Variants in EXT1 observed in about 807,000 individuals in gnomAD.
EXT1 encodes the protein exostosin-1.
A neutral mutation model predicts 82.5 loss-of-function variants in EXT1; 20 were observed. The ratio of observed to expected loss-of-function variants is 0.24; its 90% CI spans 0.17 to 0.35. The LOEUF (loss-of-function observed/expected upper bound fraction) is 0.35. Among genes scored for constraint, EXT1 ranks in the 10% least tolerant of loss-of-function variants. EXT1 has a pLI of 1.00. For synonymous variants in EXT1, 348 were observed against 350.8 expected, an observed-to-expected ratio of 0.99 and a Z score of 0.09; for missense variants, 757 against 936.5, an observed-to-expected ratio of 0.81 and a Z score of 2.50.
intron 1 of EXT1, among the ~76,000 whole-genome samples, chr8:117,968,545 ATTTATTTATTTTTTTTTTTTTTTTTTTT>A (rs1391267013): frequency 0.015 from 1,110 of 73,024 alleles, 214 homozygotes; most frequent in Admixed American, 0.073. Flanking sequence ...TTATTTATTT[ATTTATTTATTTTTTTTTTTTTTTTTTTT>A]TTTTTTTTTT....
Position 118,111,331 on chromosome 8 carries a change from A to G in EXT1, c.-285T>C, listed in dbSNP as rs1817899734. 8 of 596,654 alleles carry G rather than the reference A, an allele frequency of 1.3e-5. No individual in the cohort carries two copies. The highest frequency in any genetic ancestry group is 9.0e-4 in the Middle Eastern group (2 of 2,232). The allele number at this position is 596,654 out of a possible 1,614,324, so 37.0% of individuals were successfully genotyped here. On this transcript the variant is annotated 5_prime_UTR_variant, in exon 1 of 11. Coordinates refer to ENST00000378204, the MANE Select transcript of EXT1 (RefSeq NM_000127.3). ...CAGGGCGGGCGAGCAGCGGACTGTA[A>G]TTTTCTTGCATGCAACAAGACGGAG... is the stretch of plus-strand genomic sequence containing the variant.
At chr8:118,079,655 G>A (rs1169809965) in intron 1 of EXT1, among the ~76,000 whole-genome samples, 2 of 141,836 alleles carry the variant, frequency 1.4e-5, no homozygotes, top group Non-Finnish European at 3.0e-5. Context: ...TTCTAACACC[G>A]CCCCCACCCC....
rs368981520 is a variant in EXT1 at position 117,882,543 on chromosome 8, A to C, written c.963-45342T>G. On this transcript the variant is annotated intron_variant, in intron 1 of 10. Transcript: ENST00000378204. Reference sequence around the variant, plus strand: ...CTAATTCCTAATTCATCTCAGTAAAATTCCCCAGGGTAGAACAAGGACACA... The same window carrying C: ...CTAATTCCTAATTCATCTCAGTAAACTTCCCCAGGGTAGAACAAGGACACA... Among the ~76,000 whole-genome samples, 25 of 152,226 alleles carry C rather than the reference A, an allele frequency of 1.6e-4. No individual in the cohort carries two copies. In the East Asian group the frequency reaches 4.3e-3, roughly 26 times the overall value.
rs773320520 is a variant in EXT1, at chr8:117,799,855, G to T, written c.2098C>A (p.Gln700Lys). 39 of 1,614,032 alleles carry T rather than the reference G, an allele frequency of 2.4e-5. No homozygotes were observed. Among genetic ancestry groups the T allele is most frequent in the Non-Finnish European group, 3.1e-5 (36 of 1,180,040 alleles). ...AACGTATTCATGCAGCTCTGTCGCT[G>T]GGCAAAGTGGTCAGGGTCAGCCCAA... The part of the protein sequence containing the change: ...SRWADPDHFA[Q>K]RQSCMNTFAS... The change falls in exon 11 of 11, where the codon CAG becomes AAG. Residue 700 changes from glutamine to lysine, a missense_variant. By Grantham distance (53) the Gln-to-Lys change is moderately conservative. Coordinates refer to ENST00000378204, the MANE Select transcript of EXT1 (RefSeq NM_000127.3).
At chr8:117,914,946 GC>G (rs1335640796) in intron 1 of EXT1, among the ~76,000 whole-genome samples, 1 of 152,036 alleles carries the variant, frequency 6.6e-6, no homozygotes, top group Admixed American at 6.6e-5. Flanking sequence ...TAGTAGTTCT[GC>G]TTTTTGCCCT....
At chr8:118,021,155 A>T (rs548077572) in intron 1 of EXT1, among the ~76,000 whole-genome samples, 35 of 152,340 alleles carry the variant, frequency 2.3e-4, no homozygotes, top group Middle Eastern at 3.4e-3. Flanking sequence ...AAAAATTTTT[A>T]AAAGAGGGAG....
At chr8:117,830,695 T>A (rs17439826) in intron 3 of EXT1, among the ~76,000 whole-genome samples, 24,286 of 152,146 alleles carry the variant, frequency 0.16, 2,373 homozygotes, top group East Asian at 0.38. Context: ...TATAGAGGGG[T>A]AACTATAGGT....
intron 10 of EXT1, among the ~76,000 whole-genome samples, chr8:117,801,922 T>A (rs555912972): frequency 1.4e-3 from 217 of 152,252 alleles, no homozygotes; most frequent in African/African-American, 3.9e-3. Flanking sequence ...ATTCAAAAAA[T>A]TTTTTTTAAA....
rs1817886615 is a variant in EXT1, at chr8:118,110,819, G to A, written c.228C>T (p.Ser76=). 1.2e-6 allele frequency: 2 copies of A among 1,612,828 alleles called. No individual in the cohort carries two copies. The change falls in exon 1 of 11, where the codon TCC becomes TCT. Residue 76 remains serine (S), a synonymous_variant. Coordinates refer to ENST00000378204, the MANE Select transcript of EXT1 (RefSeq NM_000127.3). ...VPWDQLENED[S]SVHISPRQKR... is the part of the protein sequence containing the mutation. ...TCTGCCGGGGGGAAATGTGCACGCT[G>A]GAATCCTCGTTTTCCAATTGATCCC...
chr8:117,800,824 C>T lies in EXT1; in HGVS notation c.2056-927G>A, dbSNP rs533162112. On this transcript the variant is annotated intron_variant, in intron 10 of 10. Transcript: ENST00000378204. ...GTTGGTTAAATATTTTTAGATCATG[C>T]AAATGATTGGCATTGATTTAAAAAG... 2.6e-5 allele frequency among the ~76,000 whole-genome samples: 4 copies of T among 152,306 alleles called. No homozygotes were observed. In the South Asian group the frequency reaches 8.3e-4, roughly 32 times the overall value.
intron 1 of EXT1, among the ~76,000 whole-genome samples, chr8:117,963,347 A>C (rs1180758858): frequency 4.6e-5 from 7 of 152,150 alleles, no homozygotes; most frequent in Non-Finnish European, 8.8e-5. Context: ...CTGTCCAGCC[A>C]GCCACCACTG....
chr8:117,872,423 G>T (rs956738109), intron 1 of EXT1, among the ~76,000 whole-genome samples: 3 of 151,814 alleles, frequency 2.0e-5, no homozygotes, highest in Non-Finnish European at 4.4e-5. Flanking sequence ...GTTCTTAATT[G>T]CTACATTGCA....
At chr8:117,958,186 G>T (rs1359934399) in intron 1 of EXT1, among the ~76,000 whole-genome samples, 1 of 152,002 alleles carries the variant, frequency 6.6e-6, no homozygotes, top group African/African-American at 2.4e-5. Context: ...CTAACATAAA[G>T]TAGGGAAGAA....
chr8:117,808,441 G>A (rs1230398343), intron 8 of EXT1, among the ~76,000 whole-genome samples: 1 of 152,218 alleles, frequency 6.6e-6, no homozygotes, highest in East Asian at 1.9e-4. Context: ...GCAGAGCCAA[G>A]ATTCAAACTC....
chr8:117,799,902 G>C lies in EXT1; in HGVS notation c.2056-5C>G, dbSNP rs1334661782. 2.5e-6 allele frequency: 4 copies of C among 1,613,814 alleles called. No individual in the cohort carries two copies. The highest frequency in any genetic ancestry group is 3.4e-6 in the Non-Finnish European group (4 of 1,180,022). ...CCAACGGGAAGCCCGAGAAGTCTAG[G>C]GAGAAGGAGAGAAACAAGGATAATG... On this transcript the variant is annotated splice_polypyrimidine_tract_variant and splice_region_variant and intron_variant, in intron 10 of 10. Coordinates refer to ENST00000378204, the MANE Select transcript of EXT1 (RefSeq NM_000127.3).
chr8:117,869,137 G>T (rs1180415137), intron 1 of EXT1, among the ~76,000 whole-genome samples: 1 of 152,190 alleles, frequency 6.6e-6, no homozygotes, highest in African/African-American at 2.4e-5. Flanking sequence ...GGCGGATGAG[G>T]CTTCTCTCCA....
chr8:117,834,462 A>G (rs2129783484), intron 3 of EXT1, among the ~76,000 whole-genome samples: 1 of 152,258 alleles, frequency 6.6e-6, no homozygotes, highest in Middle Eastern at 3.4e-3. Context: ...AAAATTAGCC[A>G]GGCGTGGTGG....
chr8:117,820,960 C>G (rs1217829797), intron 5 of EXT1, among the ~76,000 whole-genome samples: 2 of 152,210 alleles, frequency 1.3e-5, no homozygotes, highest in Non-Finnish European at 2.9e-5. Context: ...AAAACAACCA[C>G]TGTCACCAAA....
intron 10 of EXT1, among the ~76,000 whole-genome samples, chr8:117,800,315 G>T (rs1026081064): frequency 5.3e-5 from 8 of 152,180 alleles, no homozygotes; most frequent in Non-Finnish European, 1.0e-4. Context: ...AGTTGATTTA[G>T]AAATACCCAC....
Sources: gnomAD v4.1 joint callset for allele counts (sites outside exome capture counted in the v4.1 genomes callset) on GRCh38, gnomAD v4.1.1 for gene constraint, MANE v1.5 for transcripts, NCBI Gene and HGNC (gene_info 2026-07-23, HGNC 2026-07-21) for gene names.